Variants in TMEM120B observed in about 807,000 individuals in gnomAD.
TMEM120B encodes the protein transmembrane protein 120B.
A neutral mutation model predicts 55.5 loss-of-function variants in TMEM120B; 31 were observed. The ratio of observed to expected loss-of-function variants is 0.56; its 90% CI spans 0.42 to 0.75. TMEM120B has a LOEUF of 0.75. Ranked by LOEUF, TMEM120B falls within the 30% of genes least tolerant of loss-of-function variation. The pLI is 0.00. For synonymous variants in TMEM120B, 203 were observed against 176.3 expected (o/e 1.15, Z -1.20); for missense variants, 399 against 425.5 (o/e 0.94, Z 0.55).
chr12:121,728,362 G>T (rs183363617), intron 1 of TMEM120B, among the ~76,000 whole-genome samples: 1 of 151,832 alleles, frequency 6.6e-6, no homozygotes, highest in Non-Finnish European at 1.5e-5. Context: ...GGTGGTGGGC[G>T]CCTGTGGTCC....
chr12:121,752,309 C>A, intron 5 of TMEM120B, 86 bp downstream of exon 5: 2 of 1,129,008 alleles, frequency 1.8e-6, no homozygotes, highest in Admixed American at 1.8e-5. Context: ...GGACCCGGAG[C>A]CTCTCCTGCT....
intron 5 of TMEM120B, among the ~76,000 whole-genome samples, chr12:121,757,823 T>C (rs1873530302): frequency 6.6e-6 from 1 of 152,186 alleles, no homozygotes; most frequent in South Asian, 2.1e-4. Flanking sequence ...GCCGATTTTT[T>C]TGTATTTTTA....
intron 1 of TMEM120B, among the ~76,000 whole-genome samples, chr12:121,719,533 C>T (rs1173097033): frequency 6.6e-6 from 1 of 152,118 alleles, no homozygotes; most frequent in Non-Finnish European, 1.5e-5. Context: ...TTGCAGTAAG[C>T]TGAGATCCTG....
intron 1 of TMEM120B, among the ~76,000 whole-genome samples, chr12:121,725,493 A>G (rs1243219384): frequency 6.6e-6 from 1 of 152,178 alleles, no homozygotes; most frequent in African/African-American, 2.4e-5. Context: ...ACCCAAGAGA[A>G]ATGAAAAGAC....
rs73411789 is a variant in TMEM120B at position 121,769,899 on chromosome 12, G to C, written c.552-1008G>C. On this transcript the variant is annotated intron_variant, in intron 6 of 11. Coordinates refer to ENST00000449592, the MANE Select transcript of TMEM120B (RefSeq NM_001080825.2). ...GAAGAAAGGCACGTAATTGCAGACAGTGATCCATGCCATGAAGGAGGTGAA... is the reference window on the plus strand; with the variant it reads ...GAAGAAAGGCACGTAATTGCAGACACTGATCCATGCCATGAAGGAGGTGAA... Among the ~76,000 whole-genome samples, 391 of 152,264 alleles carry C rather than the reference G, an allele frequency of 2.6e-3. 1 individual carries two copies. Among genetic ancestry groups the C allele is most frequent in the African/African-American group, 9.0e-3 (376 of 41,554 alleles).
At chr12:121,717,434 CATT>C (rs1209372024) in intron 1 of TMEM120B, among the ~76,000 whole-genome samples, 2 of 152,312 alleles carry the variant, frequency 1.3e-5, no homozygotes, top group Admixed American at 6.5e-5. Flanking sequence ...AGAAGATCAG[CATT>C]ATTTCATTAA....
intron 5 of TMEM120B, among the ~76,000 whole-genome samples, chr12:121,760,390 T>C (rs1186778363): frequency 2.0e-5 from 3 of 152,088 alleles, no homozygotes; most frequent in Admixed American, 1.3e-4. Context: ...TGGGGTCTTA[T>C]ATGCTGGCAG....
rs774757942 is a variant in TMEM120B at position 121,748,461 on chromosome 12, C to G, written c.305+19C>G. Reference sequence around the variant, plus strand: ...AGAACGGGTAGGAGCTGGCAACCTCCCCACCCCTAGCACAGGCCCATGCCC... The same window carrying G: ...AGAACGGGTAGGAGCTGGCAACCTCGCCACCCCTAGCACAGGCCCATGCCC... On this transcript the variant is annotated intron_variant, in intron 3 of 11. Transcript: ENST00000449592. 9 of 1,561,362 alleles carry G rather than the reference C, an allele frequency of 5.8e-6. No homozygotes were observed. Among genetic ancestry groups the G allele is most frequent in the Non-Finnish European group, 7.9e-6 (9 of 1,136,952 alleles).
At chr12:121,740,426 A>G (rs1021624809) in intron 1 of TMEM120B, among the ~76,000 whole-genome samples, 1 of 152,034 alleles carries the variant, frequency 6.6e-6, no homozygotes, top group African/African-American at 2.4e-5. Flanking sequence ...TGAAGGTTGC[A>G]GTGATTCGAG....
intron 5 of TMEM120B, among the ~76,000 whole-genome samples, chr12:121,757,975 C>T (rs1873533463): frequency 6.6e-6 from 1 of 152,188 alleles, no homozygotes; most frequent in South Asian, 2.1e-4. Context: ...TAAAATTAGC[C>T]TGATGTGGTA....
At chr12:121,759,719 G>A (rs907302418) in intron 5 of TMEM120B, among the ~76,000 whole-genome samples, 4 of 151,936 alleles carry the variant, frequency 2.6e-5, no homozygotes, top group African/African-American at 9.7e-5. Context: ...AAAGCCACTG[G>A]GCGCAGTGGC....
intron 4 of TMEM120B, 29 bp downstream of exon 4, chr12:121,750,468 C>A: frequency 1.3e-6 from 2 of 1,596,320 alleles, no homozygotes; most frequent in Non-Finnish European, 1.7e-6. Context: ...CCACCCAGAC[C>A]CACACCTCAC....
In TMEM120B at chr12:121,779,750, C is replaced by T. The variant is rs1874378639; in HGVS notation, c.*4028C>T. The T allele has an allele frequency of 1.4e-6, 2 of 1,417,678 alleles. No homozygotes were observed. Among genetic ancestry groups the T allele is most frequent in the Non-Finnish European group, 2.0e-6 (2 of 1,024,872 alleles). 87.8% of individuals were successfully genotyped at this position (1,417,678 alleles called of 1,614,324 possible). The stretch of plus-strand genomic sequence containing the variant: ...GTGGGTTTGGGACTGGCTCTGAGGA[C>T]TCTGCAGGGATGGAGGCCTTGGTTT... On this transcript the variant is annotated 3_prime_UTR_variant, in exon 12 of 12. Coordinates refer to ENST00000449592, the MANE Select transcript of TMEM120B (RefSeq NM_001080825.2).
At chr12:121,742,624 C>T (rs1260101552) in intron 1 of TMEM120B, among the ~76,000 whole-genome samples, 2 of 152,028 alleles carry the variant, frequency 1.3e-5, no homozygotes, top group Admixed American at 6.6e-5. Context: ...TTCATACTTT[C>T]GCCCAGGCTG....
At chr12:121,727,514 A>G (rs1348281897) in intron 1 of TMEM120B, among the ~76,000 whole-genome samples, 7 of 143,974 alleles carry the variant, frequency 4.9e-5, no homozygotes, top group East Asian at 2.1e-4. Context: ...TCCAGCCCGC[A>G]TGACAGAGAG....
At chr12:121,767,262 G>A (rs1458093459) in intron 6 of TMEM120B, among the ~76,000 whole-genome samples, 2 of 152,172 alleles carry the variant, frequency 1.3e-5, no homozygotes, top group Admixed American at 6.5e-5. Context: ...CCGGGTTCAC[G>A]CCATTCTCCT....
intron 6 of TMEM120B, among the ~76,000 whole-genome samples, chr12:121,763,462 G>A (rs567621658): frequency 4.6e-5 from 7 of 151,526 alleles, no homozygotes; most frequent in African/African-American, 1.7e-4. Flanking sequence ...GCACCTGGCC[G>A]AGATGGAGTC....
intron 2 of TMEM120B, among the ~76,000 whole-genome samples, chr12:121,746,539 G>A (rs1181472745): frequency 6.6e-6 from 1 of 152,014 alleles, no homozygotes; most frequent in African/African-American, 2.4e-5. Context: ...TGCTATGTTA[G>A]TCAGGCTGGT....
rs764123328 is a variant in TMEM120B at position 121,773,414 on chromosome 12, C to A, written c.680-7C>A. 2 of 1,608,150 alleles carry A rather than the reference C, an allele frequency of 1.2e-6. No homozygotes were observed. ...CCCTGAGCCCAGGTGCTGTGCTCCCCCTGCAGGCTGCGTCCAGTTCCTGCA... is the reference window on the plus strand; with the variant it reads ...CCCTGAGCCCAGGTGCTGTGCTCCCACTGCAGGCTGCGTCCAGTTCCTGCA... On this transcript the variant is annotated splice_region_variant and splice_polypyrimidine_tract_variant and intron_variant, in intron 8 of 11. Coordinates refer to ENST00000449592, the MANE Select transcript of TMEM120B (RefSeq NM_001080825.2).
Sources: gnomAD v4.1 joint callset for allele counts (sites outside exome capture counted in the v4.1 genomes callset) on GRCh38, gnomAD v4.1.1 for gene constraint, MANE v1.5 for transcripts, NCBI Gene and HGNC (gene_info 2026-07-23, HGNC 2026-07-21) for gene names.